Variants in FLNC observed in about 807,000 individuals in gnomAD.
FLNC encodes the protein filamin-C.
A neutral mutation model predicts 254.3 loss-of-function variants in FLNC; 91 were observed. The observed-to-expected ratio is 0.36, with a 90% CI of 0.30 to 0.43. The LOEUF (loss-of-function observed/expected upper bound fraction) is 0.43, where lower values mean the gene tolerates loss of function less well. Ranked by LOEUF, FLNC falls within the 20% of genes least tolerant of loss-of-function variation. FLNC has a pLI of 1.00. For missense variants in FLNC, 2,853 were observed against 3,802.6 expected (o/e 0.75, Z 6.57); for synonymous variants, 1,430 against 1,577.2 (o/e 0.91, Z 2.21).
In FLNC at chr7:128,830,944, G is replaced by C. The variant is rs764853733; in HGVS notation, c.307G>C (p.Ala103Pro). ...RQMKLENVSV[A>P]LEFLEREHIK... ...AATGAAGCTGGAGAACGTGTCCGTG[G>C]CCCTCGAGTTCCTCGAGCGCGAGCA... is the stretch of plus-strand genomic sequence containing the variant. Residue 103 changes from alanine to proline, a missense_variant, in exon 1 of 48, where the codon GCC (alanine) becomes CCC (proline). Ala to Pro is a conservative substitution (Grantham distance 27, BLOSUM62 -1). Coordinates refer to ENST00000325888, the MANE Select transcript of FLNC (RefSeq NM_001458.5). 6.2e-7 allele frequency: 1 copy of C among 1,611,898 alleles called. No homozygotes were observed. The highest frequency in any genetic ancestry group is 2.2e-5 in the East Asian group (1 of 44,874).
rs766439553 is a variant in FLNC at position 128,844,964 on chromosome 7, C to T, written c.3499C>T (p.Arg1167Cys). 39 of 1,613,702 alleles carry T rather than the reference C, an allele frequency of 2.4e-5. No individual in the cohort carries two copies. Among genetic ancestry groups the T allele is most frequent in the South Asian group, 6.6e-5 (6 of 91,080 alleles). Residue 1167 changes from arginine (R) to cysteine (C), a missense_variant, in exon 21 of 48, where the codon CGC (arginine) becomes TGC (cysteine). Around this residue, in one of 10 missense-constraint regions of FLNC, gnomAD observed 1,573 missense variants for 1,883.5 expected, o/e 0.84. Transcript: ENST00000325888. ...KVRASGPGLE[R>C]GKVGEAATFT... ...GCGGGCCAGTGGACCGGGCCTGGAG[C>T]GCGGCAAGGTCGGTGAGGCAGCCAC...
chr7:128,842,942 G>A lies in FLNC; in HGVS notation c.2538G>A (p.Leu846=), dbSNP rs766913091. 3.1e-6 allele frequency: 5 copies of A among 1,613,996 alleles called. No homozygotes were observed. Among genetic ancestry groups the A allele is most frequent in the East Asian group, 4.5e-5 (2 of 44,890 alleles). The change falls in exon 16 of 48, where the codon CTG becomes CTA. Residue 846 remains leucine, a synonymous_variant. Transcript: ENST00000325888. The surrounding 1 kb of genome is among the most constrained non-coding windows in gnomAD (Gnocchi z 5.4). ...CGGGCCGCTACACCATCATGGTGCT[G>A]TTTGCCAACCAGGTACCTAAGCTCC... ...PGAGRYTIMV[L]FANQEIPASP...
In FLNC at chr7:128,858,174, C is replaced by G; in HGVS notation, c.7947C>G (p.Phe2649Leu). ...VTRGPGLSQA[F>L]VGQKNSFTVD... Reference sequence around the variant, plus strand: ...GGGGCCCTGGGCTGTCCCAGGCCTTCGTGGGCCAGAAGAACTCCTTCACCG... The same window carrying G: ...GGGGCCCTGGGCTGTCCCAGGCCTTGGTGGGCCAGAAGAACTCCTTCACCG... Residue 2649 changes from phenylalanine (F) to leucine (L), a missense_variant, in exon 47 of 48, where the codon TTC becomes TTG. Physicochemically the swap from Phe to Leu is conservative, Grantham distance 22. This residue lies in a region of FLNC where 197 missense variants were observed against 351.5 expected (regional missense o/e 0.56). Coordinates refer to ENST00000325888, the MANE Select transcript of FLNC (RefSeq NM_001458.5). This position sits in a 1 kb window ranked among gnomAD's most constrained non-coding sequence, Gnocchi z 6.7. 1 of 1,564,596 alleles carries G rather than the reference C, an allele frequency of 6.4e-7. No individual in the cohort carries two copies.
Position 128,841,234 on chromosome 7 carries a change from C to T in FLNC, c.1878C>T (p.Cys626=), listed in dbSNP as rs369735636. ...GTGACGACAAGGGGGATGGCTCCTG[C>T]GATGTGCGGTACTGGCCCACGGAGC... is the stretch of plus-strand genomic sequence containing the variant. ...IECDDKGDGS[C]DVRYWPTEPG... is the part of the protein sequence containing the mutation. Residue 626 remains cysteine (C), a synonymous_variant, in exon 12 of 48, where the codon TGC becomes TGT. Coordinates refer to ENST00000325888, the MANE Select transcript of FLNC (RefSeq NM_001458.5). The surrounding 1 kb of genome is among the most constrained non-coding windows in gnomAD (Gnocchi z 4.3). The T allele has an allele frequency of 3.5e-5, 57 of 1,613,978 alleles. No homozygotes were observed. Among genetic ancestry groups the T allele is most frequent in the African/African-American group, 8.0e-5 (6 of 74,910 alleles).
chr7:128,837,283 GA>G (rs1562991807), intron 3 of FLNC, 26 bp downstream of exon 3: 1 of 1,280,404 alleles, frequency 7.8e-7, no homozygotes, highest in Admixed American at 1.9e-5. Flanking sequence ...GGGCAGGGGG[GA>G]AAGGGGGCAG....
chr7:128,850,974 T>A (rs1483865893), intron 33 of FLNC, 31 bp downstream of exon 33: 4 of 1,611,782 alleles, frequency 2.5e-6, no homozygotes, highest in Non-Finnish European at 3.4e-6. Flanking sequence ...GGCTGGGGCT[T>A]GGGTGAGAGG....
At position 128,854,870 on chromosome 7, in the gene FLNC, A is replaced by C. The variant is rs1362953446; in HGVS notation, c.7093A>C (p.Lys2365Gln). 6.2e-7 allele frequency: 1 copy of C among 1,614,100 alleles called. No individual in the cohort carries two copies. Among genetic ancestry groups the C allele is most frequent in the Admixed American group, 1.7e-5 (1 of 60,024 alleles). ...SKAEIAFEDRKDGSCGVSYVV... is the reference protein window; with the variant it reads ...SKAEIAFEDRQDGSCGVSYVV... ...AGCGGAGATTGCATTTGAGGATCGCAAAGATGGCTCCTGCGGCGTCTCCTA... is the reference window on the plus strand; with the variant it reads ...AGCGGAGATTGCATTTGAGGATCGCCAAGATGGCTCCTGCGGCGTCTCCTA... Residue 2365 changes from lysine (K) to glutamine (Q), a missense_variant, in exon 42 of 48, where the codon AAA becomes CAA. Around this residue, in one of 10 missense-constraint regions of FLNC, gnomAD observed 551 missense variants for 835.0 expected, o/e 0.66. Transcript: ENST00000325888.
rs188905854 is a variant in FLNC, at chr7:128,838,388, A to G, written c.1169A>G (p.Asn390Ser). 1.2e-5 allele frequency: 19 copies of G among 1,613,890 alleles called. No homozygotes were observed. The highest frequency in any genetic ancestry group is 2.7e-5 in the African/African-American group (2 of 75,002). Residue 390 changes from asparagine (N) to serine (S), a missense_variant, in exon 7 of 48, where the codon AAT (asparagine) becomes AGT (serine). Physicochemically the swap from Asn to Ser is conservative, Grantham distance 46. Around this residue, in one of 10 missense-constraint regions of FLNC, gnomAD observed 1,573 missense variants for 1,883.5 expected, o/e 0.84. Coordinates refer to ENST00000325888, the MANE Select transcript of FLNC (RefSeq NM_001458.5). The stretch of plus-strand genomic sequence containing the variant: ...GGCCCTGGCCTGGAACCTGTGGGCA[A>G]TGTGGCCAACAAACCCACCTACTTT... ...ARGPGLEPVG[N>S]VANKPTYFDI...
intron 1 of FLNC, among the ~76,000 whole-genome samples, chr7:128,834,319 C>G (rs1014522447): frequency 4.0e-5 from 6 of 150,636 alleles, no homozygotes; most frequent in Admixed American, 6.6e-5. Context: ...GCGCCCCCCC[C>G]CCCCAAATCT....
Position 128,838,425 on chromosome 7 carries a change from T to C in FLNC, c.1206T>C (p.Thr402=), listed in dbSNP as rs757898362. ...ANKPTYFDIY[T]AGAGTGDVAV... ...AACCCACCTACTTTGACATCTACAC[T>C]GCGGGTAGGACGGGCCCCAGGGGGT... The change falls in exon 7 of 48, where the codon ACT becomes ACC. Residue 402 remains threonine, a synonymous_variant. Transcript: ENST00000325888. The C allele has an allele frequency of 6.4e-7, 1 of 1,572,076 alleles. No individual in the cohort carries two copies. The highest frequency in any genetic ancestry group is 8.7e-7 in the Non-Finnish European group (1 of 1,155,926).
Position 128,850,005 on chromosome 7 carries a change from GC to G in FLNC, c.5232del (p.Ser1745LeufsTer38). 6.3e-7 allele frequency: 1 copy of G among 1,580,968 alleles called. No individual in the cohort carries two copies. On this transcript the variant is annotated frameshift_variant, in exon 31 of 48. Coordinates refer to ENST00000325888, the MANE Select transcript of FLNC (RefSeq NM_001458.5). LOFTEE classifies it high-confidence loss of function. Reference protein sequence around the residue: ...ACDPLPHEEEPSEVPQLRQPY... With the variant: ...ACDPLPHEEEXSEVPQLRQPY... Reference sequence around the variant, plus strand: ...GTGACCCCCTGCCGCACGAGGAGGAGCCCTCTGAAGTGCCACAGCTGCGCCA... The same window carrying G: ...GTGACCCCCTGCCGCACGAGGAGGAGCCTCTGAAGTGCCACAGCTGCGCCA...
intron 6 of FLNC, 66 bp downstream of exon 6, chr7:128,838,130 C>T: frequency 1.3e-6 from 2 of 1,503,042 alleles, no homozygotes; most frequent in South Asian, 2.3e-5. Context: ...TGCATGGACC[C>T]CTCTCTCAGC....
chr7:128,835,700 C>A lies in FLNC; in HGVS notation c.601+126C>A. 1 of 1,089,580 alleles carries A rather than the reference C, an allele frequency of 9.2e-7. No individual in the cohort carries two copies. Among genetic ancestry groups the A allele is most frequent in the Non-Finnish European group, 1.3e-6 (1 of 744,158 alleles). The allele number at this position is 1,089,580 out of a possible 1,614,324, so 67.5% of individuals were successfully genotyped here. On this transcript the variant is annotated intron_variant, in intron 2 of 47. Coordinates refer to ENST00000325888, the MANE Select transcript of FLNC (RefSeq NM_001458.5). The surrounding 1 kb of genome is among the most constrained non-coding windows in gnomAD (Gnocchi z 5.3). ...GGGGCCTGGGGGCCAGGATCCCCTG[C>A]AGGGTTTGTCCTCCTCCAGCTGTGG...
rs1386799992 is a variant in FLNC, at chr7:128,849,505, C to T, written c.5126C>T (p.Pro1709Leu). 6.2e-7 allele frequency: 1 copy of T among 1,614,200 alleles called. No homozygotes were observed. The highest frequency in any genetic ancestry group is 8.5e-7 in the Non-Finnish European group (1 of 1,180,028). Residue 1709 changes from proline to leucine, a missense_variant, in exon 30 of 48, where the codon CCC becomes CTC. By Grantham distance (98) the Pro-to-Leu change is moderately conservative (BLOSUM62 -3). This residue lies in a region of FLNC where 258 missense variants were observed against 312.3 expected (regional missense o/e 0.83). Transcript: ENST00000325888. ...DGTFDIYYTAPEPGKYVITIR... is the reference protein window; with the variant it reads ...DGTFDIYYTALEPGKYVITIR... Reference sequence around the variant, plus strand: ...ACCTTTGACATCTACTACACAGCGCCCGAGCCGGGCAAGTACGTCATCACC... The same window carrying T: ...ACCTTTGACATCTACTACACAGCGCTCGAGCCGGGCAAGTACGTCATCACC...
At position 128,852,829 on chromosome 7, in the gene FLNC, G is replaced by A. The variant is rs949178854; in HGVS notation, c.6006G>A (p.Gly2002=). ...LLKRLPNRHI[G]ISFTPKEVGE... ...CTGCCTAACACCCACTTTCCACAGG[G>A]ATCTCCTTCACCCCCAAGGAGGTCG... The change falls in exon 37 of 48, where the codon GGG becomes GGA. Residue 2002 remains glycine, a splice_region_variant and synonymous_variant. Transcript: ENST00000325888. 1.2e-6 allele frequency: 2 copies of A among 1,613,726 alleles called. No homozygotes were observed. The highest frequency in any genetic ancestry group is 2.7e-5 in the African/African-American group (2 of 74,926).
rs865889091 is a variant in FLNC, at chr7:128,842,508, G to T, written c.2266-67G>T. ...GGGCTGGTGCCACTGAGGCTGGGCC[G>T]GGTGCGCTGGGCAGGAGGATGAGCC... is the stretch of plus-strand genomic sequence containing the variant. On this transcript the variant is annotated intron_variant, in intron 14 of 47. Coordinates refer to ENST00000325888, the MANE Select transcript of FLNC (RefSeq NM_001458.5). The surrounding 1 kb of genome is among the most constrained non-coding windows in gnomAD (Gnocchi z 5.4). The T allele has an allele frequency of 6.4e-7, 1 of 1,553,488 alleles. No individual in the cohort carries two copies. Among genetic ancestry groups the T allele is most frequent in the Non-Finnish European group, 8.7e-7 (1 of 1,148,818 alleles).
intron 24 of FLNC, among the ~76,000 whole-genome samples, chr7:128,847,223 C>T (rs961387034): frequency 3.3e-5 from 5 of 152,276 alleles, no homozygotes; most frequent in South Asian, 2.1e-4. Flanking sequence ...CTCCTCTTGG[C>T]GGCTCAGGCC....
Position 128,854,231 on chromosome 7 carries a change from C to A in FLNC, c.6727+15C>A, listed in dbSNP as rs2128939385. 6.2e-7 allele frequency: 1 copy of A among 1,605,214 alleles called. No homozygotes were observed. The highest frequency in any genetic ancestry group is 1.7e-5 in the Admixed American group (1 of 59,838). On this transcript the variant is annotated intron_variant, in intron 40 of 47. Coordinates refer to ENST00000325888, the MANE Select transcript of FLNC (RefSeq NM_001458.5). The stretch of plus-strand genomic sequence containing the variant: ...GCAGCAGGAGGGTGAGCACCGCACA[C>A]TGGGCCGGCCGGGTCCTCACGGCGG...
intron 35 of FLNC, 86 bp from the exon 36 acceptor site, chr7:128,852,505 G>T (rs1276995796): frequency 1.8e-5 from 27 of 1,511,598 alleles, no homozygotes; most frequent in Non-Finnish European, 2.4e-5. Context: ...GAGTCCAGGG[G>T]GGGCTGCTCA....
Sources: gnomAD v4.1 joint callset for allele counts (sites outside exome capture counted in the v4.1 genomes callset) on GRCh38, gnomAD v4.1.1 for gene constraint, gnomAD v4.1.1 regional missense constraint, Gnocchi (gnomAD v3.1) non-coding constraint, MANE v1.5 for transcripts, NCBI Gene and HGNC (gene_info 2026-07-23, HGNC 2026-07-21) for gene names.